The following PLG variants were observed in gnomAD, a reference collection of about 807,000 sequenced individuals.
The protein encoded by PLG is plasminogen.
Under a neutral mutation model 104.4 loss-of-function variants are expected in PLG, and 41 were observed. That is an observed-to-expected ratio of 0.39 (90% CI 0.31 to 0.51). PLG has a LOEUF of 0.51. Among genes scored for constraint, PLG ranks in the 20% least tolerant of loss-of-function variants. The probability of loss-of-function intolerance (pLI) is 0.76; values close to 1 mark genes in which losing one functional copy is unlikely to be tolerated. For missense variants in PLG, 891 were observed against 1,003.6 expected, an observed-to-expected ratio of 0.89 and a Z score of 1.52; for synonymous variants, 337 against 357.1, an observed-to-expected ratio of 0.94 and a Z score of 0.63.
At chr6:160,748,810 G>A (rs1229283984) in intron 17 of PLG, among the ~76,000 whole-genome samples, 1 of 152,192 alleles carries the variant, frequency 6.6e-6, no homozygotes, top group Non-Finnish European at 1.5e-5. Context: ...ATGCTGTGGT[G>A]GCTCTGGCTC....
At chr6:160,713,852 C>T (rs1254180647) in intron 5 of PLG, among the ~76,000 whole-genome samples, 2 of 152,058 alleles carry the variant, frequency 1.3e-5, no homozygotes, top group African/African-American at 4.8e-5. Context: ...TAATAGTGCA[C>T]CTCAAAGGTC....
Position 160,734,914 on chromosome 6 carries a change from G to A in PLG, c.1681+826G>A, listed in dbSNP as rs1778062462. ...CATGTGGAGGGACCTTGAGCTGGGG[G>A]AAGGAGCTTGGCCTCCAAGTCCACT... is the stretch of plus-strand genomic sequence containing the variant. On this transcript the variant is annotated intron_variant, in intron 13 of 18. Transcript: ENST00000308192. The surrounding 1 kb of genome is among the most constrained non-coding windows in gnomAD (Gnocchi z 4.4). 6.6e-6 allele frequency among the ~76,000 whole-genome samples: 1 copy of A among 151,900 alleles called. No homozygotes were observed. Among genetic ancestry groups the A allele is most frequent in the Admixed American group, 6.6e-5 (1 of 15,248 alleles).
At chr6:160,709,115 G>A (rs1187444971) in intron 3 of PLG, among the ~76,000 whole-genome samples, 7 of 152,036 alleles carry the variant, frequency 4.6e-5, no homozygotes, top group Non-Finnish European at 8.8e-5. Flanking sequence ...TAGTTTGCTT[G>A]TTTTCAAAGT....
In PLG at chr6:160,752,956, A is replaced by C. The variant is rs779342869; in HGVS notation, c.2328A>C (p.Gly776=). The change falls in exon 19 of 19, where the codon GGA becomes GGC. Residue 776 remains glycine, a synonymous_variant. Coordinates refer to ENST00000308192, the MANE Select transcript of PLG (RefSeq NM_000301.5). The surrounding 1 kb of genome is among the most constrained non-coding windows in gnomAD (Gnocchi z 4.7). ...CFEKDKYILQ[G]VTSWGLGCAR... ...AGAAGGACAAATACATTTTACAAGG[A>C]GTCACTTCTTGGGGTCTTGGCTGTG... 6.2e-7 allele frequency: 1 copy of C among 1,613,318 alleles called. No individual in the cohort carries two copies. Among genetic ancestry groups the C allele is most frequent in the Admixed American group, 1.7e-5 (1 of 59,974 alleles).
rs189186609 is a variant in PLG at position 160,725,894 on chromosome 6, C to T, written c.1256+3327C>T. 1.2e-3 allele frequency among the ~76,000 whole-genome samples: 178 copies of T among 152,204 alleles called. No homozygotes were observed. The highest frequency in any genetic ancestry group is 4.1e-3 in the African/African-American group (171 of 41,562). ...AGTAAAAAAAGTTTATTCATCAAGA[C>T]TTAACAATGCTAAATGGGTTGCACC... On this transcript the variant is annotated intron_variant, in intron 10 of 18. Coordinates refer to ENST00000308192, the MANE Select transcript of PLG (RefSeq NM_000301.5). This position sits in a 1 kb window ranked among gnomAD's most constrained non-coding sequence, Gnocchi z 6.3.
rs1343116472 is a variant in PLG at position 160,731,261 on chromosome 6, C to T, written c.1438+29C>T. ...AGAAATCTGTGGCTGGACATCTACA[C>T]ACTTGGACGCTGGGATGAAAAGCCA... is the stretch of plus-strand genomic sequence containing the variant. On this transcript the variant is annotated intron_variant, in intron 11 of 18. Transcript: ENST00000308192. This position sits in a 1 kb window ranked among gnomAD's most constrained non-coding sequence, Gnocchi z 5.1. The T allele has an allele frequency of 6.4e-7, 1 of 1,574,178 alleles. No homozygotes were observed. The highest frequency in any genetic ancestry group is 8.7e-7 in the Non-Finnish European group (1 of 1,143,698).
At position 160,753,012 on chromosome 6, in the gene PLG, G is replaced by A; in HGVS notation, c.2384G>A (p.Arg795His). 8.7e-6 allele frequency: 14 copies of A among 1,600,150 alleles called. No homozygotes were observed. Among genetic ancestry groups the A allele is most frequent in the Non-Finnish European group, 1.2e-5 (14 of 1,168,012 alleles). Residue 795 changes from arginine (R) to histidine (H), a missense_variant, in exon 19 of 19, where the codon CGT becomes CAT. Physicochemically the swap from Arg to His is conservative, Grantham distance 29. Coordinates refer to ENST00000308192, the MANE Select transcript of PLG (RefSeq NM_000301.5). This position sits in a 1 kb window ranked among gnomAD's most constrained non-coding sequence, Gnocchi z 5.4. ...CCCAATAAGCCTGGTGTCTATGTTC[G>A]TGTTTCAAGGTTTGTTACTTGGATT... ...ARPNKPGVYV[R>H]VSRFVTWIEG...
chr6:160,749,167 G>A (rs1216997373), intron 17 of PLG, among the ~76,000 whole-genome samples: 2 of 152,190 alleles, frequency 1.3e-5, no homozygotes, highest in African/African-American at 2.4e-5. Flanking sequence ...TTGTGAGATT[G>A]AGCAGTTAGT....
At chr6:160,702,891 C>A (rs764493073) in intron 1 of PLG, among the ~76,000 whole-genome samples, 2 of 152,188 alleles carry the variant, frequency 1.3e-5, no homozygotes, top group African/African-American at 4.8e-5. Flanking sequence ...AAAAATCACA[C>A]GCATCCATTT....
In PLG at chr6:160,734,131, T is replaced by C. The variant is rs928589986; in HGVS notation, c.1681+43T>C. ...TGGTAAGGAAACTGCTTACTTAATA[T>C]GGATTTGCAACAAAAAAGGAAAAGG... On this transcript the variant is annotated intron_variant, in intron 13 of 18. Transcript: ENST00000308192. The surrounding 1 kb of genome is among the most constrained non-coding windows in gnomAD (Gnocchi z 4.4). 15 of 1,145,618 alleles carry C rather than the reference T, an allele frequency of 1.3e-5. No homozygotes were observed. Among genetic ancestry groups the C allele is most frequent in the Non-Finnish European group, 1.9e-5 (14 of 754,692 alleles). 71.0% of individuals were successfully genotyped at this position (1,145,618 alleles called of 1,614,324 possible).
rs375547815 is a variant in PLG at position 160,736,859 on chromosome 6, G to A, written c.1682-28G>A. ...ACAAAATTGCTACCTTGTCTCAAAT[G>A]GGATTTCTTTCCCACCTTGTGCCAC... is the stretch of plus-strand genomic sequence containing the variant. On this transcript the variant is annotated intron_variant, in intron 13 of 18. Coordinates refer to ENST00000308192, the MANE Select transcript of PLG (RefSeq NM_000301.5). The surrounding 1 kb of genome is among the most constrained non-coding windows in gnomAD (Gnocchi z 5.2). 254 of 1,612,896 alleles carry A rather than the reference G, an allele frequency of 1.6e-4. 1 individual carries two copies. The South Asian group carries it at 1.8e-3, about 12-fold the overall frequency.
chr6:160,730,661 T>C (rs1777984835), intron 10 of PLG: 2 of 242,150 alleles, frequency 8.3e-6, no homozygotes, highest in African/African-American at 4.6e-5. Context: ...TACAGAGAGC[T>C]AGACAGTTAG....
chr6:160,740,385 G>A lies in PLG; in HGVS notation c.2019-926G>A, dbSNP rs1292291139. Among the ~76,000 whole-genome samples the A allele has an allele frequency of 6.6e-6, 1 of 152,188 alleles. No homozygotes were observed. Among genetic ancestry groups the A allele is most frequent in the Non-Finnish European group, 1.5e-5 (1 of 68,034 alleles). On this transcript the variant is annotated intron_variant, in intron 16 of 18. Coordinates refer to ENST00000308192, the MANE Select transcript of PLG (RefSeq NM_000301.5). The surrounding 1 kb of genome is among the most constrained non-coding windows in gnomAD (Gnocchi z 5.2). ...GAGAGCTGGGGTGTTCTGATGGCTT[G>A]AACAAGTAATTTGGAAATTTTGGGT...
At chr6:160,720,410 C>CTTTTTTT (rs3057066) in intron 9 of PLG, among the ~76,000 whole-genome samples, 3,107 of 58,576 alleles carry the variant, frequency 0.053, 643 homozygotes, top group Non-Finnish European at 0.058. Context: ...CTTTTCTTTT[C>CTTTTTTT]TTTTTTTTTT....
chr6:160,727,902 G>T (rs1777943275), intron 10 of PLG, among the ~76,000 whole-genome samples: 1 of 151,694 alleles, frequency 6.6e-6, no homozygotes, highest in Admixed American at 6.6e-5. Context: ...CTTCTAATCA[G>T]CATTTTACTA....
At chr6:160,748,047 C>T (rs1252892777) in intron 17 of PLG, among the ~76,000 whole-genome samples, 1 of 152,060 alleles carries the variant, frequency 6.6e-6, no homozygotes, top group Non-Finnish European at 1.5e-5. Context: ...TGGCTCACGC[C>T]TGTAATCCCA....
At position 160,736,360 on chromosome 6, in the gene PLG, A is replaced by G. The variant is rs1778082856; in HGVS notation, c.1682-527A>G. Among the ~76,000 whole-genome samples the G allele has an allele frequency of 1.3e-5, 2 of 152,234 alleles. No individual in the cohort carries two copies. Among genetic ancestry groups the G allele is most frequent in the African/African-American group, 4.8e-5 (2 of 41,468 alleles). ...AGAAGGCAACATTTCAACTTAGGACAGTAATCCTTGCTACATACAATCACA... is the reference window on the plus strand; with the variant it reads ...AGAAGGCAACATTTCAACTTAGGACGGTAATCCTTGCTACATACAATCACA... On this transcript the variant is annotated intron_variant, in intron 13 of 18. Transcript: ENST00000308192. The surrounding 1 kb of genome is among the most constrained non-coding windows in gnomAD (Gnocchi z 5.2).
chr6:160,707,016 C>T (rs1178930219), intron 2 of PLG, among the ~76,000 whole-genome samples: 1 of 151,600 alleles, frequency 6.6e-6, no homozygotes, highest in African/African-American at 2.4e-5. Flanking sequence ...TACCCAGATC[C>T]AGAAGAAAGA....
At chr6:160,745,470 C>T (rs7454268) in intron 17 of PLG, among the ~76,000 whole-genome samples, 54,598 of 151,888 alleles carry the variant, frequency 0.36, 10,094 homozygotes, top group East Asian at 0.57. Context: ...GATGGCAACC[C>T]TTGCTTTTTT....
Sources: allele counts gnomAD v4.1 joint callset (sites outside exome capture counted in the v4.1 genomes callset), GRCh38; gene constraint gnomAD v4.1.1; non-coding constraint Gnocchi (gnomAD v3.1); transcripts MANE v1.5; gene names NCBI Gene and HGNC (gene_info 2026-07-23, HGNC 2026-07-21).